LRMDA: variants seen among roughly 807,000 people sequenced by gnomAD.
LRMDA encodes the protein leucine-rich melanocyte differentiation-associated protein.
In LRMDA, 18 loss-of-function variants were observed where a neutral mutation model predicts 29.8. The ratio of observed to expected loss-of-function variants is 0.60; its 90% CI spans 0.42 to 0.90. LRMDA has a LOEUF of 0.90. LRMDA is among the 40% of genes least tolerant of loss of function. The probability of loss-of-function intolerance (pLI) is 0.00; values close to 1 mark genes in which losing one functional copy is unlikely to be tolerated. For synonymous variants in LRMDA, 125 were observed against 109.4 expected, an observed-to-expected ratio of 1.14 and a Z score of -0.89; for missense variants, 273 against 273.9, an observed-to-expected ratio of 1.00 and a Z score of 0.02.
chr10:76,131,847 A>G lies in LRMDA; in HGVS notation c.516+73064A>G, dbSNP rs527986764. ...TGAACTTGTCAGCTACCAAGGATCTATACGACAAACAGCTATACTGTCAGC... is the reference window on the plus strand; with the variant it reads ...TGAACTTGTCAGCTACCAAGGATCTGTACGACAAACAGCTATACTGTCAGC... On this transcript the variant is annotated intron_variant, in intron 5 of 6. Coordinates refer to ENST00000611255, the MANE Select transcript of LRMDA (RefSeq NM_001305581.2). Among the ~76,000 whole-genome samples the G allele has an allele frequency of 2.4e-4, 37 of 152,354 alleles. No homozygotes were observed. The South Asian group carries it at 7.7e-3, about 32-fold the overall frequency.
At chr10:76,185,129 T>C (rs796085217) in intron 5 of LRMDA, among the ~76,000 whole-genome samples, 4 of 152,356 alleles carry the variant, frequency 2.6e-5, no homozygotes, top group African/African-American at 9.6e-5. Context: ...TGTGTCTCTT[T>C]AAGCACACAC....
rs141696002 is a variant in LRMDA, at chr10:76,326,150, C to G, written c.601+1665C>G. Among the ~76,000 whole-genome samples, 37 of 152,264 alleles carry G rather than the reference C, an allele frequency of 2.4e-4. No homozygotes were observed. In the East Asian group the frequency reaches 7.1e-3, roughly 29 times the overall value. Reference sequence around the variant, plus strand: ...AAAGCAAGTCCATATCATAAAATGACGTTCTTTGGGCTGATGGCCATAAGG... The same window carrying G: ...AAAGCAAGTCCATATCATAAAATGAGGTTCTTTGGGCTGATGGCCATAAGG... On this transcript the variant is annotated intron_variant, in intron 6 of 6. Transcript: ENST00000611255.
At chr10:76,439,273 A>T (rs949634206) in intron 6 of LRMDA, among the ~76,000 whole-genome samples, 1 of 152,138 alleles carries the variant, frequency 6.6e-6, no homozygotes, top group Non-Finnish European at 1.5e-5. Flanking sequence ...AATTTCAGGG[A>T]AGGTTTTATG....
intron 2 of LRMDA, among the ~76,000 whole-genome samples, chr10:75,909,807 T>C (rs1208163877): frequency 6.6e-6 from 1 of 152,234 alleles, no homozygotes; most frequent in East Asian, 1.9e-4. Flanking sequence ...TGGTCAACAG[T>C]GTTGGGTCTC....
At chr10:75,686,416 C>CGT (rs1842082419) in intron 2 of LRMDA, among the ~76,000 whole-genome samples, 1 of 152,202 alleles carries the variant, frequency 6.6e-6, no homozygotes, top group Non-Finnish European at 1.5e-5. Flanking sequence ...ATATTATCCT[C>CGT]GTGTTTTCTC....
intron 2 of LRMDA, among the ~76,000 whole-genome samples, chr10:75,907,248 G>T (rs1028540743): frequency 6.6e-6 from 1 of 152,090 alleles, no homozygotes; most frequent in Non-Finnish European, 1.5e-5. Context: ...TAAATTAAAG[G>T]TTTAGTGTAT....
At chr10:75,866,168 A>ATG (rs1845015480) in intron 2 of LRMDA, among the ~76,000 whole-genome samples, 1 of 152,172 alleles carries the variant, frequency 6.6e-6, no homozygotes. Context: ...GACTAGTCAT[A>ATG]TGGGCAGTGA....
intron 5 of LRMDA, among the ~76,000 whole-genome samples, chr10:76,306,509 T>C (rs1397341411): frequency 6.6e-6 from 1 of 152,180 alleles, no homozygotes; most frequent in Non-Finnish European, 1.5e-5. Context: ...ACACGGGGCA[T>C]GGATCTTCAG....
intron 6 of LRMDA, among the ~76,000 whole-genome samples, chr10:76,363,800 A>C (rs987390302): frequency 6.6e-6 from 1 of 152,148 alleles, no homozygotes; most frequent in African/African-American, 2.4e-5. Flanking sequence ...GACCGTAACT[A>C]CGTTGTTTTG....
chr10:76,381,757 C>T (rs1338427871), intron 6 of LRMDA, among the ~76,000 whole-genome samples: 2 of 152,186 alleles, frequency 1.3e-5, no homozygotes, highest in Admixed American at 1.3e-4. Context: ...AACCTACACT[C>T]CTGTGTACCA....
intron 2 of LRMDA, among the ~76,000 whole-genome samples, chr10:75,499,536 G>A (rs1025057738): frequency 6.6e-6 from 1 of 152,218 alleles, no homozygotes; most frequent in Non-Finnish European, 1.5e-5. Context: ...AAGTTTACAT[G>A]AAGTAAGGGG....
chr10:75,972,166 A>G (rs181415409), intron 2 of LRMDA, among the ~76,000 whole-genome samples: 17 of 152,324 alleles, frequency 1.1e-4, no homozygotes, highest in Admixed American at 8.5e-4. Flanking sequence ...ATGATGACTA[A>G]TATGGCATTA....
At chr10:76,257,609 C>G (rs368586863) in intron 5 of LRMDA, among the ~76,000 whole-genome samples, 8 of 152,226 alleles carry the variant, frequency 5.3e-5, no homozygotes, top group African/African-American at 1.7e-4. Context: ...GCTGGGATTA[C>G]AGGTGTGAGC....
intron 6 of LRMDA, among the ~76,000 whole-genome samples, chr10:76,516,244 A>G (rs1371041808): frequency 1.3e-5 from 2 of 152,260 alleles, no homozygotes; most frequent in Non-Finnish European, 2.9e-5. Flanking sequence ...GGTATCAGAT[A>G]TTAAAATTAT....
intron 6 of LRMDA, among the ~76,000 whole-genome samples, chr10:76,388,280 A>G (rs1424240500): frequency 6.6e-6 from 1 of 152,216 alleles, no homozygotes; most frequent in Non-Finnish European, 1.5e-5. Context: ...AACTAAAACC[A>G]CCGTTGTATT....
At chr10:76,358,216 C>T (rs182472894) in intron 6 of LRMDA, among the ~76,000 whole-genome samples, 1 of 152,274 alleles carries the variant, frequency 6.6e-6, no homozygotes, top group East Asian at 1.9e-4. Flanking sequence ...TGGCAGTCCT[C>T]GTAGGAGAAA....
At chr10:75,485,176 AT>A (rs1441794246) in intron 2 of LRMDA, among the ~76,000 whole-genome samples, 2 of 152,152 alleles carry the variant, frequency 1.3e-5, no homozygotes, top group African/African-American at 2.4e-5. Flanking sequence ...AGTTTTGATG[AT>A]TTATATTTTG....
At chr10:75,839,076 A>G (rs1270134868) in intron 2 of LRMDA, among the ~76,000 whole-genome samples, 1 of 152,224 alleles carries the variant, frequency 6.6e-6, no homozygotes, top group Non-Finnish European at 1.5e-5. Flanking sequence ...TTAGCTTTTT[A>G]TTTTTAACAA....
At chr10:76,178,607 A>G (rs1419440036) in intron 5 of LRMDA, among the ~76,000 whole-genome samples, 1 of 152,186 alleles carries the variant, frequency 6.6e-6, no homozygotes, top group Non-Finnish European at 1.5e-5. Flanking sequence ...GGTGAGGAAT[A>G]GGAGAAACTT....
Sources: gnomAD v4.1 joint callset for allele counts (sites outside exome capture counted in the v4.1 genomes callset) on GRCh38, gnomAD v4.1.1 for gene constraint, MANE v1.5 for transcripts, NCBI Gene and HGNC (gene_info 2026-07-23, HGNC 2026-07-21) for gene names.